The following NAALADL2 variants were observed in gnomAD, a reference collection of about 807,000 sequenced individuals.
The protein encoded by NAALADL2 is inactive N-acetylated-alpha-linked acidic dipeptidase-like protein 2.
Under a neutral mutation model 87.2 loss-of-function variants are expected in NAALADL2, and 76 were observed. The ratio of observed to expected loss-of-function variants is 0.87; its 90% CI spans 0.72 to 1.05. The LOEUF is 1.05. Among genes scored for constraint, NAALADL2 ranks in the 50% least tolerant of loss-of-function variants. NAALADL2 has a pLI of 0.00. For synonymous variants in NAALADL2, 354 were observed against 331.0 expected, an observed-to-expected ratio of 1.07 and a Z score of -0.75; for missense variants, 1,089 against 945.8, an observed-to-expected ratio of 1.15 and a Z score of -1.99.
At chr3:175,439,699 T>C (rs1214563990) in intron 5 of NAALADL2, among the ~76,000 whole-genome samples, 2 of 151,332 alleles carry the variant, frequency 1.3e-5, no homozygotes, top group Non-Finnish European at 2.9e-5. Flanking sequence ...TTTGTGTTTT[T>C]CTTGTGTTTC....
chr3:174,859,580 C>G (rs1454961278), intron 1 of NAALADL2, 130 bp downstream of exon 1: 1 of 690,360 alleles, frequency 1.4e-6, no homozygotes, highest in Non-Finnish European at 2.5e-6. Flanking sequence ...TGCCCTGGCC[C>G]TGTTTTTAAG....
chr3:175,405,273 C>T (rs1581751092), intron 5 of NAALADL2, among the ~76,000 whole-genome samples: 3 of 151,730 alleles, frequency 2.0e-5, no homozygotes, highest in Admixed American at 2.0e-4. Context: ...TTTATAAGAC[C>T]CTCTTATAAT....
chr3:175,384,225 T>C (rs1157657108), intron 5 of NAALADL2, among the ~76,000 whole-genome samples: 2 of 152,040 alleles, frequency 1.3e-5, no homozygotes, highest in Non-Finnish European at 2.9e-5. Flanking sequence ...TAATGGTAAA[T>C]ATTCCTATTG....
chr3:174,566,019 A>G (rs1486244502), intron 2 of NAALADL2, among the ~76,000 whole-genome samples: 1 of 151,772 alleles, frequency 6.6e-6, no homozygotes, highest in Non-Finnish European at 1.5e-5. Context: ...TGAATTGACC[A>G]AATTTTGCAT....
chr3:175,197,771 A>G (rs1276107111), intron 2 of NAALADL2, among the ~76,000 whole-genome samples: 1 of 152,060 alleles, frequency 6.6e-6, no homozygotes, highest in Non-Finnish European at 1.5e-5. Flanking sequence ...GGGAGTTTAC[A>G]TGGGAGGTGT....
At chr3:174,686,149 T>A (rs535511707) in intron 2 of NAALADL2, among the ~76,000 whole-genome samples, 35 of 152,280 alleles carry the variant, frequency 2.3e-4, no homozygotes, top group African/African-American at 8.2e-4. Flanking sequence ...TATGTCTTTC[T>A]GATAGAATGA....
chr3:175,573,977 C>A (rs1412275126), intron 9 of NAALADL2, among the ~76,000 whole-genome samples: 1 of 152,148 alleles, frequency 6.6e-6, no homozygotes, highest in African/African-American at 2.4e-5. Flanking sequence ...GAAACCCTGA[C>A]TTGCTTGTAA....
At chr3:175,420,888 A>G (rs2149121066) in intron 5 of NAALADL2, among the ~76,000 whole-genome samples, 1 of 152,150 alleles carries the variant, frequency 6.6e-6, no homozygotes, top group Non-Finnish European at 1.5e-5. Context: ...CTTTCCTAGT[A>G]TATATGTTTG....
chr3:175,560,102 G>A (rs961269405), intron 9 of NAALADL2, among the ~76,000 whole-genome samples: 3 of 152,128 alleles, frequency 2.0e-5, no homozygotes, highest in Non-Finnish European at 4.4e-5. Context: ...TTTTATTACA[G>A]TTTTGATGTC....
intron 9 of NAALADL2, among the ~76,000 whole-genome samples, chr3:175,481,044 A>G (rs912400702): frequency 6.6e-6 from 1 of 151,886 alleles, no homozygotes; most frequent in African/African-American, 2.4e-5. Context: ...GTCGTTACCT[A>G]AAGGGAAATG....
intron 2 of NAALADL2, among the ~76,000 whole-genome samples, chr3:174,694,551 C>T (rs1728856133): frequency 6.6e-6 from 1 of 151,840 alleles, no homozygotes; most frequent in Admixed American, 6.6e-5. Flanking sequence ...GAATTTGTAC[C>T]TCAGGGGGCA....
At chr3:175,498,725 C>A (rs567757547) in intron 9 of NAALADL2, among the ~76,000 whole-genome samples, 67 of 151,926 alleles carry the variant, frequency 4.4e-4, no homozygotes, top group Middle Eastern at 3.4e-3. Flanking sequence ...ATTTTAGGGG[C>A]AGTATTTAAA....
chr3:175,024,673 A>G (rs775035781), intron 1 of NAALADL2, among the ~76,000 whole-genome samples: 2 of 152,126 alleles, frequency 1.3e-5, no homozygotes, highest in African/African-American at 4.8e-5. Flanking sequence ...CTTCAATAGT[A>G]TAGGAGAACA....
intron 1 of NAALADL2, among the ~76,000 whole-genome samples, chr3:174,896,072 C>A (rs776139481): frequency 6.6e-6 from 1 of 151,814 alleles, no homozygotes; most frequent in Non-Finnish European, 1.5e-5. Context: ...TATGACAGAC[C>A]CACAGCTAGT....
intron 1 of NAALADL2, among the ~76,000 whole-genome samples, chr3:175,066,041 A>T (rs1177672630): frequency 6.6e-6 from 1 of 152,136 alleles, no homozygotes; most frequent in Non-Finnish European, 1.5e-5. Context: ...TCAACCAGTT[A>T]GCCCCTTCAG....
At position 175,314,566 on chromosome 3, in the gene NAALADL2, T is replaced by A. The variant is rs1758800172; in HGVS notation, c.940-9609T>A. On this transcript the variant is annotated intron_variant, in intron 4 of 13. Coordinates refer to ENST00000454872, the MANE Select transcript of NAALADL2 (RefSeq NM_207015.3). ...AATACTTACCTTCACATTCTAACTA[T>A]ATATATATATATATATATATATATA... Among the ~76,000 whole-genome samples the A allele has an allele frequency of 2.9e-4, 6 of 21,034 alleles. No individual in the cohort carries two copies. In the Admixed American group the frequency reaches 2.9e-3, roughly 10 times the overall value. 13.8% of individuals were successfully genotyped at this position (21,034 alleles called of 152,430 possible).
intron 2 of NAALADL2, among the ~76,000 whole-genome samples, chr3:175,172,159 G>A (rs1734935072): frequency 6.6e-6 from 1 of 151,962 alleles, no homozygotes; most frequent in Admixed American, 6.6e-5. Flanking sequence ...AATATCACAT[G>A]TACCCCACAA....
chr3:174,846,257 A>G (rs746458791), intron 3 of NAALADL2, among the ~76,000 whole-genome samples: 3 of 152,170 alleles, frequency 2.0e-5, no homozygotes, highest in Non-Finnish European at 2.9e-5. Context: ...ATGTTGGTAT[A>G]CTAGGTTTCT....
chr3:174,495,972 A>G (rs1380195337), intron 1 of NAALADL2, among the ~76,000 whole-genome samples: 1 of 152,166 alleles, frequency 6.6e-6, no homozygotes, highest in Non-Finnish European at 1.5e-5. Flanking sequence ...ATCTGTATAC[A>G]CTGAACTCTA....
Sources: gnomAD v4.1 joint callset for allele counts (sites outside exome capture counted in the v4.1 genomes callset) on GRCh38, gnomAD v4.1.1 for gene constraint, MANE v1.5 for transcripts, NCBI Gene and HGNC (gene_info 2026-07-23, HGNC 2026-07-21) for gene names.